The following NMNAT3 variants were observed in gnomAD, a reference collection of about 807,000 sequenced individuals.
NMNAT3 encodes nicotinamide/nicotinic acid mononucleotide adenylyltransferase 3.
Under a neutral mutation model 24.8 loss-of-function variants are expected in NMNAT3, and 21 were observed. That is an observed-to-expected ratio of 0.85 (90% confidence interval 0.60 to 1.22). The LOEUF is 1.22. Among genes scored for constraint, NMNAT3 ranks in the 50% most tolerant of loss-of-function variants. NMNAT3 has a pLI of 0.00. For missense variants in NMNAT3, 387 were observed against 436.6 expected (o/e 0.89, Z 1.01); for synonymous variants, 136 against 155.2 (o/e 0.88, Z 0.92).
chr3:139,643,508 C>A (rs1172484723), intron 1 of NMNAT3, among the ~76,000 whole-genome samples: 1 of 152,134 alleles, frequency 6.6e-6, no homozygotes, highest in Non-Finnish European at 1.5e-5. Flanking sequence ...AATGGAAAAA[C>A]AAAATATACG....
chr3:139,604,693 A>AAC (rs2054862611), intron 3 of NMNAT3, among the ~76,000 whole-genome samples: 1 of 152,198 alleles, frequency 6.6e-6, no homozygotes, highest in African/African-American at 2.4e-5. Context: ...CTGTCTGCAC[A>AAC]TTGTCTACAC....
intron 3 of NMNAT3, among the ~76,000 whole-genome samples, chr3:139,613,679 T>C (rs1237325583): frequency 6.6e-6 from 1 of 152,100 alleles, no homozygotes; most frequent in African/African-American, 2.4e-5. Flanking sequence ...TAAAGACACA[T>C]GCACACGTAT....
At chr3:139,570,218 A>G (rs933766135) in intron 6 of NMNAT3, 1 of 152,064 alleles carries the variant, frequency 6.6e-6, no homozygotes, top group Non-Finnish European at 1.5e-5. Flanking sequence ...ACTTCTGTGC[A>G]TTGGTTATTC....
chr3:139,665,725 GGA>G (rs10547665), intron 1 of NMNAT3, among the ~76,000 whole-genome samples: 32,673 of 139,344 alleles, frequency 0.23, 4,243 homozygotes, highest in African/African-American at 0.39. Flanking sequence ...ATTTGTAACA[GGA>G]GAGAGAGAGA....
At chr3:139,662,354 C>A (rs1034063673) in intron 1 of NMNAT3, among the ~76,000 whole-genome samples, 1 of 152,138 alleles carries the variant, frequency 6.6e-6, no homozygotes, top group East Asian at 1.9e-4. Flanking sequence ...GAGCTTCTAT[C>A]TGCTCATCTG....
rs1244083749 is a variant in NMNAT3, at chr3:139,592,362, C to T, written c.110-9154G>A. Among the ~76,000 whole-genome samples, 57 of 152,214 alleles carry T rather than the reference C, an allele frequency of 3.7e-4. 2 individuals carry two copies. Among genetic ancestry groups the T allele is most frequent in the East Asian group, 2.7e-3 (14 of 5,178 alleles). ...GTCTGATTGGTGTACCTGAAAGTGACGGGGAGAATGGAACCAAGTTGGAAA... is the reference window on the plus strand; with the variant it reads ...GTCTGATTGGTGTACCTGAAAGTGATGGGGAGAATGGAACCAAGTTGGAAA... On this transcript the variant is annotated intron_variant, in intron 3 of 6. Transcript: ENST00000643695.
intron 6 of NMNAT3, chr3:139,569,554 TCAG>T (rs1057347940): frequency 4.6e-5 from 7 of 152,220 alleles, no homozygotes; most frequent in South Asian, 2.1e-4. Flanking sequence ...ACAAAATCTC[TCAG>T]CATTTGCTTG....
intron 3 of NMNAT3, among the ~76,000 whole-genome samples, chr3:139,617,807 G>A (rs532101678): frequency 2.6e-5 from 4 of 152,254 alleles, no homozygotes; most frequent in East Asian, 3.9e-4. Context: ...TTACTTACAC[G>A]TTGGGAAAAC....
intron 3 of NMNAT3, among the ~76,000 whole-genome samples, chr3:139,584,664 G>T (rs2053850775): frequency 6.6e-6 from 1 of 152,088 alleles, no homozygotes; most frequent in Admixed American, 6.5e-5. Context: ...TAGCTTAGTT[G>T]CACTGCAGTC....
Position 139,560,660 on chromosome 3 carries a change from G to T in NMNAT3, c.*350C>A, listed in dbSNP as rs1449628742. On this transcript the variant is annotated 3_prime_UTR_variant, in exon 7 of 7. Transcript: ENST00000643695. The stretch of plus-strand genomic sequence containing the variant: ...GGGCAATTCTGATCTGACCCTCAGG[G>T]GCCGCTGCCATGCTCAGAACTGCAT... 1 of 216,460 alleles carries T rather than the reference G, an allele frequency of 4.6e-6. No homozygotes were observed. Among genetic ancestry groups the T allele is most frequent in the East Asian group, 1.1e-4 (1 of 9,216 alleles). The allele number at this position is 216,460 out of a possible 1,614,324, so 13.4% of individuals were successfully genotyped here.
rs1281170638 is a variant in NMNAT3 at position 139,561,365 on chromosome 3, C to G, written c.686G>C (p.Gly229Ala). The G allele has an allele frequency of 6.2e-7, 1 of 1,613,576 alleles. No individual in the cohort carries two copies. The highest frequency in any genetic ancestry group is 8.5e-7 in the Non-Finnish European group (1 of 1,179,732). Residue 229 changes from glycine to alanine, a missense_variant, in exon 7 of 7, where the codon GGG (glycine) becomes GCG (alanine). Coordinates refer to ENST00000643695, the MANE Select transcript of NMNAT3 (RefSeq NM_001320510.2). ...CTGGAAGGTCTTCAAGACGTCTGCC[C>G]CACAGAGAAGCTTCAGCTCAGGCAC...
At chr3:139,643,953 T>TC (rs2030371676) in intron 1 of NMNAT3, among the ~76,000 whole-genome samples, 5 of 152,242 alleles carry the variant, frequency 3.3e-5, no homozygotes, top group Non-Finnish European at 7.3e-5. Flanking sequence ...ATTGCATTGC[T>TC]TGTCAACCTC....
chr3:139,599,459 A>G lies in NMNAT3; in HGVS notation c.110-16251T>C, dbSNP rs1473180249. The G allele has an allele frequency of 7.2e-6, 5 of 698,592 alleles. No homozygotes were observed. The South Asian group carries it at 7.6e-5, about 11-fold the overall frequency. The allele number at this position is 698,592 out of a possible 1,614,324, so 43.3% of individuals were successfully genotyped here. ...CACCCTGGGAAACAAAGGCCTTGAA[A>G]GACAAAAATCTAAGAGATCAGGAGC... On this transcript the variant is annotated intron_variant, in intron 3 of 6. Transcript: ENST00000643695.
intron 3 of NMNAT3, among the ~76,000 whole-genome samples, chr3:139,601,003 A>C (rs2054689613): frequency 6.6e-6 from 1 of 151,900 alleles, no homozygotes; most frequent in Admixed American, 6.6e-5. Context: ...CCCCTCAAAA[A>C]CTCATTACCT....
intron 1 of NMNAT3, among the ~76,000 whole-genome samples, chr3:139,649,330 C>G (rs1345897159): frequency 1.3e-5 from 2 of 151,570 alleles, no homozygotes; most frequent in African/African-American, 2.4e-5. Context: ...AGAAAACAAA[C>G]AAACAAACAA....
chr3:139,594,224 A>C (rs896694271), intron 3 of NMNAT3, among the ~76,000 whole-genome samples: 11 of 152,222 alleles, frequency 7.2e-5, no homozygotes, highest in Non-Finnish European at 1.5e-4. Context: ...GAAATGGATA[A>C]ATTCCTCGAC....
At chr3:139,667,053 A>G (rs573510778) in intron 1 of NMNAT3, among the ~76,000 whole-genome samples, 4 of 152,334 alleles carry the variant, frequency 2.6e-5, no homozygotes, top group African/African-American at 9.6e-5. Flanking sequence ...TAGTACCACA[A>G]TAAACATGTG....
At chr3:139,591,830 A>G (rs1222901909) in intron 3 of NMNAT3, among the ~76,000 whole-genome samples, 1 of 152,264 alleles carries the variant, frequency 6.6e-6, no homozygotes, top group Non-Finnish European at 1.5e-5. Context: ...CTTCACCATC[A>G]TCAAAGACCA....
At chr3:139,674,109 C>T (rs6785099) in intron 1 of NMNAT3, among the ~76,000 whole-genome samples, 105,402 of 151,972 alleles carry the variant, frequency 0.69, 37,736 homozygotes, top group East Asian at 0.82. Flanking sequence ...AGCCCAGACA[C>T]AGCACTTCTG....
Sources: allele counts gnomAD v4.1 joint callset (sites outside exome capture counted in the v4.1 genomes callset), GRCh38; gene constraint gnomAD v4.1.1; transcripts MANE v1.5; gene names NCBI Gene and HGNC (gene_info 2026-07-23, HGNC 2026-07-21).